The following PHYHIPL variants were observed in gnomAD, a reference collection of about 807,000 sequenced individuals.
The protein encoded by PHYHIPL is phytanoyl-CoA hydroxylase-interacting protein-like.
A neutral mutation model predicts 33.4 loss-of-function variants in PHYHIPL; 9 were observed. That is an observed-to-expected ratio of 0.27 (90% CI 0.16 to 0.47). The LOEUF (loss-of-function observed/expected upper bound fraction) is 0.47. Among genes scored for constraint, PHYHIPL ranks in the 20% least tolerant of loss-of-function variants. The pLI is 0.99. For synonymous variants in PHYHIPL, 153 were observed against 154.1 expected, an observed-to-expected ratio of 0.99 and a Z score of 0.05; for missense variants, 365 against 460.7, an observed-to-expected ratio of 0.79 and a Z score of 1.90.
intron 4 of PHYHIPL, among the ~76,000 whole-genome samples, chr10:59,239,665 T>C (rs567380042): frequency 6.6e-6 from 1 of 152,188 alleles, no homozygotes; most frequent in South Asian, 2.1e-4. Context: ...AAGAACTCTA[T>C]CCTGCAGGTA....
intron 1 of PHYHIPL, chr10:59,219,168 C>T (rs1401126286): frequency 1.3e-6 from 1 of 743,008 alleles, no homozygotes; most frequent in African/African-American, 1.9e-5. Context: ...TTTGATGCCT[C>T]ATAATCATAT....
In PHYHIPL at chr10:59,186,081, G is replaced by A. The variant is rs932830015; in HGVS notation, c.106+9122G>A. 7.2e-4 allele frequency among the ~76,000 whole-genome samples: 110 copies of A among 152,116 alleles called. 2 individuals carry two copies. Among genetic ancestry groups the A allele is most frequent in the Non-Finnish European group, 1.8e-4 (12 of 68,022 alleles). ...ATGGTATTGCCTGGGTTTTCTTCTAGGGTTTTTATGGTTTTAGGTCTAACA... is the reference window on the plus strand; with the variant it reads ...ATGGTATTGCCTGGGTTTTCTTCTAAGGTTTTTATGGTTTTAGGTCTAACA... On this transcript the variant is annotated intron_variant, in intron 1 of 4. Coordinates refer to ENST00000373880, the MANE Select transcript of PHYHIPL (RefSeq NM_032439.4).
intron 1 of PHYHIPL, among the ~76,000 whole-genome samples, chr10:59,193,138 A>G (rs573159754): frequency 1.3e-4 from 20 of 152,246 alleles, no homozygotes; most frequent in Non-Finnish European, 2.5e-4. Context: ...TAGAATGCTT[A>G]TGCCTTTTGT....
intron 1 of PHYHIPL, among the ~76,000 whole-genome samples, chr10:59,217,717 T>C (rs1180566557): frequency 6.6e-6 from 1 of 151,974 alleles, no homozygotes; most frequent in East Asian, 1.9e-4. Context: ...AAAACTCAAA[T>C]TTGGATAACT....
chr10:59,211,830 G>A (rs563512982), intron 1 of PHYHIPL, among the ~76,000 whole-genome samples: 1 of 152,162 alleles, frequency 6.6e-6, no homozygotes, highest in South Asian at 2.1e-4. Context: ...CTAATGAAAG[G>A]AATTCATTTC....
chr10:59,222,361 G>A (rs948217595), intron 1 of PHYHIPL, among the ~76,000 whole-genome samples: 18 of 151,906 alleles, frequency 1.2e-4, no homozygotes, highest in African/African-American at 3.1e-4. Flanking sequence ...TTCAGAAAGC[G>A]GGGCTTAAGG....
intron 1 of PHYHIPL, among the ~76,000 whole-genome samples, chr10:59,195,305 G>C (rs1420837043): frequency 6.6e-6 from 1 of 152,162 alleles, no homozygotes; most frequent in Admixed American, 6.6e-5. Context: ...ACTAACAAGA[G>C]AAAAGCATAC....
intron 2 of PHYHIPL, 67 bp from the exon 3 acceptor site, chr10:59,236,416 C>A: frequency 1.0e-6 from 1 of 968,602 alleles, no homozygotes; most frequent in Non-Finnish European, 1.4e-6. Context: ...TTTCTTCTTT[C>A]TTCACTTCCT....
intron 1 of PHYHIPL, among the ~76,000 whole-genome samples, chr10:59,205,429 C>T (rs1839257955): frequency 6.6e-6 from 1 of 152,112 alleles, no homozygotes; most frequent in South Asian, 2.1e-4. Flanking sequence ...CATGAGATTT[C>T]CTAATTGTTC....
upstream of PHYHIPL, among the ~76,000 whole-genome samples, chr10:59,176,168 CA>C (rs1289695553): frequency 1.3e-5 from 2 of 152,202 alleles, no homozygotes; most frequent in Non-Finnish European, 2.9e-5. Flanking sequence ...CTGGGACCTT[CA>C]GGGGAGGAGG....
chr10:59,243,884 G>A (rs190605512), intron 4 of PHYHIPL, among the ~76,000 whole-genome samples: 1 of 152,246 alleles, frequency 6.6e-6, no homozygotes, highest in East Asian at 1.9e-4. Context: ...AAGGAACCAA[G>A]AACTAGCACT....
intron 1 of PHYHIPL, among the ~76,000 whole-genome samples, chr10:59,215,009 A>G (rs921844995): frequency 4.6e-5 from 7 of 152,038 alleles, no homozygotes; most frequent in African/African-American, 1.7e-4. Context: ...TGAAGTAAGT[A>G]GTATACTTTT....
At chr10:59,177,735 T>G in intron 1 of PHYHIPL, 1 of 1,233,500 alleles carries the variant, frequency 8.1e-7, no homozygotes, top group Non-Finnish European at 1.2e-6. Flanking sequence ...AAGCTAGTGC[T>G]GTGTGCGGTG....
chr10:59,208,479 A>C (rs1839352365), intron 1 of PHYHIPL, among the ~76,000 whole-genome samples: 1 of 152,194 alleles, frequency 6.6e-6, no homozygotes, highest in Non-Finnish European at 1.5e-5. Context: ...AAACCAGCGC[A>C]AAAAGGCTGA....
intron 1 of PHYHIPL, among the ~76,000 whole-genome samples, chr10:59,183,138 G>T (rs2133181670): frequency 1.3e-5 from 2 of 151,184 alleles, no homozygotes; most frequent in Non-Finnish European, 1.5e-5. Context: ...TTCTTTTGAG[G>T]CTTTTTTTTT....
At chr10:59,207,935 G>A (rs1000872726) in intron 1 of PHYHIPL, among the ~76,000 whole-genome samples, 11 of 151,848 alleles carry the variant, frequency 7.2e-5, no homozygotes, top group Admixed American at 1.3e-4. Flanking sequence ...GGGGCTTATA[G>A]GTAAAACTCC....
At chr10:59,182,853 G>C (rs1838448374) in intron 1 of PHYHIPL, among the ~76,000 whole-genome samples, 1 of 152,162 alleles carries the variant, frequency 6.6e-6, no homozygotes, top group Non-Finnish European at 1.5e-5. Context: ...AACATGGAAA[G>C]TGATCAGGAG....
intron 1 of PHYHIPL, among the ~76,000 whole-genome samples, chr10:59,190,317 T>A (rs1191292009): frequency 6.6e-6 from 1 of 151,932 alleles, no homozygotes; most frequent in East Asian, 1.9e-4. Flanking sequence ...TTCAGGATAT[T>A]CTTCAAATAA....
intron 1 of PHYHIPL, among the ~76,000 whole-genome samples, chr10:59,226,540 T>G (rs1200026617): frequency 6.6e-6 from 1 of 151,312 alleles, no homozygotes; most frequent in Non-Finnish European, 1.5e-5. Flanking sequence ...TAAGGAGGAG[T>G]TAGAGTGGAG....
Sources: allele counts gnomAD v4.1 joint callset (sites outside exome capture counted in the v4.1 genomes callset), GRCh38; gene constraint gnomAD v4.1.1; transcripts MANE v1.5; gene names NCBI Gene and HGNC (gene_info 2026-07-23, HGNC 2026-07-21).